BCR: variants seen among roughly 807,000 people sequenced by gnomAD.
The protein encoded by BCR is breakpoint cluster region protein.
In BCR, 58 loss-of-function variants were observed where a neutral mutation model predicts 138.6. The observed-to-expected ratio is 0.42, with a 90% confidence interval of 0.34 to 0.52. The LOEUF is 0.52. Among genes scored for constraint, BCR ranks in the 20% least tolerant of loss-of-function variants. The pLI is 0.06. For missense variants in BCR, 1,599 were observed against 1,727.2 expected, an observed-to-expected ratio of 0.93 and a Z score of 1.32; for synonymous variants, 786 against 730.1, an observed-to-expected ratio of 1.08 and a Z score of -1.23.
intron 16 of BCR, among the ~76,000 whole-genome samples, chr22:23,304,026 C>CA (rs1357994698): frequency 1.3e-5 from 2 of 150,058 alleles, no homozygotes; most frequent in African/African-American, 4.9e-5. Context: ...CTTGATGTCC[C>CA]AGGCTCAAGT....
rs1160601911 is a variant in BCR, at chr22:23,180,659, G to A, written c.-302G>A. The A allele has an allele frequency of 1.3e-5, 2 of 155,720 alleles. No homozygotes were observed. Among genetic ancestry groups the A allele is most frequent in the African/African-American group, 4.9e-5 (2 of 41,060 alleles). The allele number at this position is 155,720 out of a possible 1,614,324, so 9.6% of individuals were successfully genotyped here. A position where few individuals can be genotyped will look rare whatever the true frequency, so the allele number is the denominator to read the frequency against. ...GAGGAGCGCGCGGGCCGTGGCCAGA[G>A]TCTGGCGGCGGCCTGGCGGAGCGGA... is the stretch of plus-strand genomic sequence containing the variant. On this transcript the variant is annotated 5_prime_UTR_variant, in exon 1 of 23. Transcript: ENST00000305877.
chr22:23,294,572 C>T (rs1057085010), intron 15 of BCR, among the ~76,000 whole-genome samples: 39 of 152,186 alleles, frequency 2.6e-4, no homozygotes, highest in African/African-American at 9.2e-4. Context: ...TACTATTTTT[C>T]GTATTTTTAG....
rs551598499 is a variant in BCR at position 23,235,049 on chromosome 22, G to C, written c.1280-18750G>C. On this transcript the variant is annotated intron_variant, in intron 1 of 22. Coordinates refer to ENST00000305877, the MANE Select transcript of BCR (RefSeq NM_004327.4). ...AAAACCAGGGTCAGCTCGAGACTAT[G>C]ACCCAGTTCCCATTTCACCTCCTGG... Among the ~76,000 whole-genome samples, 3 of 144,232 alleles carry C rather than the reference G, an allele frequency of 2.1e-5. No homozygotes were observed. In the Admixed American group the frequency reaches 2.1e-4, roughly 10 times the overall value. The allele number at this position is 144,232 out of a possible 152,430, so 94.6% of individuals were successfully genotyped here.
chr22:23,206,639 C>T (rs1390837810), intron 1 of BCR, among the ~76,000 whole-genome samples: 2 of 152,032 alleles, frequency 1.3e-5, no homozygotes, highest in African/African-American at 2.4e-5. Context: ...AAAAACCCTT[C>T]CACATTGAGA....
At chr22:23,301,030 G>A (rs2073896920) in intron 16 of BCR, among the ~76,000 whole-genome samples, 1 of 152,268 alleles carries the variant, frequency 6.6e-6, no homozygotes, top group Non-Finnish European at 1.5e-5. Context: ...ATTTGCAGAT[G>A]AAGAGAGATG....
intron 10 of BCR, among the ~76,000 whole-genome samples, chr22:23,286,670 C>T (rs759103360): frequency 6.6e-6 from 1 of 152,148 alleles, no homozygotes; most frequent in African/African-American, 2.4e-5. Context: ...GAGTGAAACC[C>T]ATGGCTCAGC....
intron 1 of BCR, among the ~76,000 whole-genome samples, chr22:23,237,837 C>T (rs1216965224): frequency 1.3e-5 from 2 of 152,212 alleles, no homozygotes; most frequent in Non-Finnish European, 2.9e-5. Context: ...TGCCAGATTT[C>T]CTGAAGTGGA....
intron 5 of BCR, among the ~76,000 whole-genome samples, chr22:23,269,198 C>CCCAG (rs1347555951): frequency 6.6e-6 from 1 of 152,238 alleles, no homozygotes; most frequent in Admixed American, 6.5e-5. Flanking sequence ...AGAACCAGAA[C>CCCAG]CCAGCCACAC....
chr22:23,285,618 G>A (rs1271361581), intron 10 of BCR, among the ~76,000 whole-genome samples: 1 of 152,162 alleles, frequency 6.6e-6, no homozygotes, highest in Non-Finnish European at 1.5e-5. Context: ...CTGTGGCACT[G>A]GGAGCCTGAT....
intron 1 of BCR, among the ~76,000 whole-genome samples, chr22:23,240,994 A>C (rs1446699500): frequency 1.3e-5 from 2 of 152,220 alleles, no homozygotes; most frequent in African/African-American, 4.8e-5. Context: ...TATCTCAGTC[A>C]GCGTGTGTCA....
intron 19 of BCR, chr22:23,312,621 G>A (rs180804): frequency 0.11 from 54,550 of 518,406 alleles, 6,349 homozygotes; most frequent in East Asian, 0.53. Flanking sequence ...CCACGCAGGC[G>A]CTGTGTCCTG....
intron 1 of BCR, among the ~76,000 whole-genome samples, chr22:23,248,477 G>T (rs919815935): frequency 6.6e-6 from 1 of 151,522 alleles, no homozygotes; most frequent in Non-Finnish European, 1.5e-5. Context: ...GGATGTGACC[G>T]CAGCACCTAC....
chr22:23,207,991 G>T (rs147595011), intron 1 of BCR, among the ~76,000 whole-genome samples: 1 of 152,230 alleles, frequency 6.6e-6, no homozygotes, highest in Non-Finnish European at 1.5e-5. Context: ...CCCTGGCTGA[G>T]GCAGGTGTGC....
intron 1 of BCR, among the ~76,000 whole-genome samples, chr22:23,186,687 C>T (rs78749656): frequency 6.6e-6 from 1 of 152,208 alleles, no homozygotes; most frequent in Non-Finnish European, 1.5e-5. Context: ...TGTAATGTTA[C>T]CAATGTTCAT....
intron 8 of BCR, among the ~76,000 whole-genome samples, chr22:23,279,464 C>T (rs2073617499): frequency 6.6e-6 from 1 of 152,234 alleles, no homozygotes; most frequent in Non-Finnish European, 1.5e-5. Context: ...CCTGCATAGA[C>T]AGGGCCACTG....
intron 1 of BCR, among the ~76,000 whole-genome samples, chr22:23,233,813 GAA>G (rs59148522): frequency 2.8e-5 from 4 of 142,800 alleles, no homozygotes; most frequent in African/African-American, 1.0e-4. Context: ...AGAAAAAAAA[GAA>G]AAAAAAAAAG....
chr22:23,206,073 G>A (rs1477976307), intron 1 of BCR, among the ~76,000 whole-genome samples: 1 of 152,156 alleles, frequency 6.6e-6, no homozygotes, highest in East Asian at 1.9e-4. Flanking sequence ...GTTGCCGGAG[G>A]AGGAAAAGCT....
At chr22:23,305,057 T>A (rs930543651) in intron 16 of BCR, among the ~76,000 whole-genome samples, 5 of 150,262 alleles carry the variant, frequency 3.3e-5, no homozygotes, top group Admixed American at 2.0e-4. Context: ...GAGGTTGCAG[T>A]CAGCCGAGAT....
chr22:23,251,038 T>TTAAG (rs1281361401), intron 1 of BCR: 1 of 152,166 alleles, frequency 6.6e-6, no homozygotes, highest in Non-Finnish European at 1.5e-5. Flanking sequence ...GTCCCATGGA[T>TTAAG]TAAGGAGACC....
Sources: allele counts gnomAD v4.1 joint callset (sites outside exome capture counted in the v4.1 genomes callset), GRCh38; gene constraint gnomAD v4.1.1; transcripts MANE v1.5; gene names NCBI Gene and HGNC (gene_info 2026-07-23, HGNC 2026-07-21).